The following DNMBP variants were observed in gnomAD, a reference collection of about 807,000 sequenced individuals.
DNMBP encodes dynamin-binding protein.
In DNMBP, 87 loss-of-function variants were observed where a neutral mutation model predicts 150.0. The ratio of observed to expected loss-of-function variants is 0.58; its 90% CI spans 0.49 to 0.69. The LOEUF (loss-of-function observed/expected upper bound fraction) is 0.69. Among genes scored for constraint, DNMBP ranks in the 30% least tolerant of loss-of-function variants. The pLI, the probability that DNMBP is intolerant of heterozygous loss-of-function variation, is 0.00. For synonymous variants in DNMBP, 711 were observed against 750.4 expected, an observed-to-expected ratio of 0.95 and a Z score of 0.86; for missense variants, 1,774 against 1,949.0, an observed-to-expected ratio of 0.91 and a Z score of 1.69.
At chr10:99,907,587 G>A (rs1178139314) in intron 6 of DNMBP, among the ~76,000 whole-genome samples, 1 of 151,798 alleles carries the variant, frequency 6.6e-6, no homozygotes, top group Non-Finnish European at 1.5e-5. Flanking sequence ...GTACAGACAG[G>A]GTTTCACCAT....
At chr10:99,973,110 T>C (rs1564751079) in intron 1 of DNMBP, among the ~76,000 whole-genome samples, 1 of 152,022 alleles carries the variant, frequency 6.6e-6, no homozygotes, top group East Asian at 1.9e-4. Flanking sequence ...TATTTATTTA[T>C]TTGTAGAGAT....
chr10:99,932,137 C>T (rs111944879), intron 4 of DNMBP, among the ~76,000 whole-genome samples: 253 of 152,318 alleles, frequency 1.7e-3, no homozygotes, highest in African/African-American at 5.1e-3. Flanking sequence ...TAAGATTACT[C>T]TTTTAGCTGT....
At position 99,955,252 on chromosome 10, in the gene DNMBP, T is replaced by C. The variant is rs137876820; in HGVS notation, c.2222A>G (p.Asn741Ser). The C allele has an allele frequency of 2.7e-4, 441 of 1,613,904 alleles. No individual in the cohort carries two copies. The highest frequency in any genetic ancestry group is 3.4e-4 in the Non-Finnish European group (405 of 1,179,954). Reference protein sequence around the residue: ...TLEDLKFCESNIESLNMELQQ... With the variant: ...TLEDLKFCESSIESLNMELQQ... ...GAGTTCCATATTCAAACTTTCAATGTTACTTTCACAGAACTTGAGATCCTC... is the reference window on the plus strand; with the variant it reads ...GAGTTCCATATTCAAACTTTCAATGCTACTTTCACAGAACTTGAGATCCTC... Residue 741 changes from asparagine (N) to serine (S), a missense_variant, in exon 4 of 17, where the codon AAC becomes AGC. Transcript: ENST00000324109.
intron 3 of DNMBP, among the ~76,000 whole-genome samples, chr10:99,959,715 G>A (rs1417084634): frequency 1.3e-5 from 2 of 151,768 alleles, no homozygotes; most frequent in Non-Finnish European, 2.9e-5. Context: ...AAATTAGCCG[G>A]TGTGGTGGTG....
chr10:99,883,050 AAAT>A (rs2133194931), intron 15 of DNMBP, among the ~76,000 whole-genome samples: 1 of 152,348 alleles, frequency 6.6e-6, no homozygotes, highest in South Asian at 2.1e-4. Context: ...CTGTCTTAAA[AAAT>A]AATAAAAATG....
chr10:99,979,172 T>C (rs1025941655), intron 1 of DNMBP, among the ~76,000 whole-genome samples: 3 of 152,204 alleles, frequency 2.0e-5, no homozygotes, highest in African/African-American at 7.2e-5. Context: ...AAGCTAATCA[T>C]TTGATGACCC....
At position 99,997,927 on chromosome 10, in the gene DNMBP, CAAAAAAAAAAA is replaced by C. The variant is rs71009798; in HGVS notation, c.-11+11900_-11+11910del. Among the ~76,000 whole-genome samples, 173 of 22,324 alleles carry C rather than the reference CAAAAAAAAAAA, an allele frequency of 7.7e-3. 4 individuals are homozygous for C. Among genetic ancestry groups the C allele is most frequent in the Non-Finnish European group, 0.011 (141 of 12,544 alleles). The allele number at this position is 22,324 out of a possible 152,430, so 14.6% of individuals were successfully genotyped here. On this transcript the variant is annotated intron_variant, in intron 1 of 16. Coordinates refer to ENST00000324109, the MANE Select transcript of DNMBP (RefSeq NM_015221.4). ...TGGGTGACAGAATGAGACTCTGTCT[CAAAAAAAAAAA>C]AAAAAAAAAAAAAAAGCTGGACGCG...
chr10:99,882,719 C>T (rs1372467234), intron 15 of DNMBP, among the ~76,000 whole-genome samples: 1 of 152,138 alleles, frequency 6.6e-6, no homozygotes, highest in Non-Finnish European at 1.5e-5. Flanking sequence ...TGTAGTCATC[C>T]ACCCATGATG....
chr10:100,001,233 TAAAAAAAAAAAAAAAAAAAA>T lies in DNMBP; in HGVS notation c.-11+8585_-11+8604del, dbSNP rs71009800. ...AGGACAGAGCAAGACTCCGTCTCAT[TAAAAAAAAAAAAAAAAAAAA>T]AAAAAAAAAAAAAAAAAAAGGATAG... On this transcript the variant is annotated intron_variant, in intron 1 of 16. Transcript: ENST00000324109. 1.6e-3 allele frequency among the ~76,000 whole-genome samples: 34 copies of T among 21,732 alleles called. 1 individual carries two copies. Among genetic ancestry groups the T allele is most frequent in the African/African-American group, 1.6e-3 (10 of 6,278 alleles). 14.3% of individuals were successfully genotyped at this position (21,732 alleles called of 152,430 possible). A position where few individuals can be genotyped will look rare whatever the true frequency, so the allele number is the denominator to read the frequency against.
chr10:99,879,670 G>C, intron 16 of DNMBP, 141 bp downstream of exon 16: 2 of 1,418,916 alleles, frequency 1.4e-6, no homozygotes, highest in Non-Finnish European at 1.9e-6. Context: ...GAGATTCCTT[G>C]TGTGCTTGAA....
At chr10:99,899,351 C>T (rs1291011688) in intron 7 of DNMBP, among the ~76,000 whole-genome samples, 2 of 152,090 alleles carry the variant, frequency 1.3e-5, no homozygotes, top group African/African-American at 4.8e-5. Context: ...CCTATAATCC[C>T]AGCACTTTGG....
intron 6 of DNMBP, among the ~76,000 whole-genome samples, chr10:99,903,144 T>C (rs1176123173): frequency 1.3e-5 from 2 of 150,174 alleles, no homozygotes; most frequent in African/African-American, 2.5e-5. Context: ...TCTCACTATG[T>C]TGCCCAGGCT....
intron 3 of DNMBP, among the ~76,000 whole-genome samples, chr10:99,961,267 C>T (rs1231829982): frequency 3.2e-3 from 267 of 84,728 alleles, no homozygotes; most frequent in Middle Eastern, 7.2e-3. Flanking sequence ...TTCCCTTTTT[C>T]TTTTTTTTTT....
rs1406348528 is a variant in DNMBP at position 99,957,179 on chromosome 10, G to A, written c.295C>T (p.Pro99Ser). The change falls in exon 4 of 17, where the codon CCC (proline) becomes TCC (serine). Residue 99 changes from proline (P) to serine (S), a missense_variant. Coordinates refer to ENST00000324109, the MANE Select transcript of DNMBP (RefSeq NM_015221.4). ...CGGCCCTGCAGCCAGCCTGCAGTGG[G>A]AATGCCATCGAGAATCACCAGGTCA... ...RGDLVILDGIPTAGWLQGRSC... is the reference protein window; with the variant it reads ...RGDLVILDGISTAGWLQGRSC... The A allele has an allele frequency of 1.9e-6, 3 of 1,605,062 alleles. No homozygotes were observed. The highest frequency in any genetic ancestry group is 1.3e-5 in the African/African-American group (1 of 75,042).
chr10:99,962,179 CTAACA>C (rs370057767), intron 3 of DNMBP, among the ~76,000 whole-genome samples: 2,524 of 152,276 alleles, frequency 0.017, 36 homozygotes, highest in African/African-American at 0.037. Context: ...TATACAGCAC[CTAACA>C]TAAGATTTTA....
rs770587503 is a variant in DNMBP at position 99,886,395 on chromosome 10, C to T, written c.3523G>A (p.Ala1175Thr). The part of the protein sequence containing the change: ...LDELPKFHQY[A>T]QGLFTNCVHG... ...ACACAGTTGGTGAAGAGGCCCTGGG[C>T]GTACTGGTGGAACTTGGGCAGCTCA... is the stretch of plus-strand genomic sequence containing the variant. Residue 1175 changes from alanine (A) to threonine (T), a missense_variant, in exon 13 of 17, where the codon GCC becomes ACC. Ala to Thr is a moderately conservative substitution (Grantham distance 58). Around this residue, in one of 2 missense-constraint regions of DNMBP, gnomAD observed 1,430 missense variants for 1,492.5 expected, o/e 0.96. Coordinates refer to ENST00000324109, the MANE Select transcript of DNMBP (RefSeq NM_015221.4). 8.7e-6 allele frequency: 14 copies of T among 1,614,016 alleles called. No homozygotes were observed. The highest frequency in any genetic ancestry group is 3.3e-5 in the Admixed American group (2 of 59,994).
chr10:99,915,128 T>TATATATACAC (rs1439020903), intron 4 of DNMBP, among the ~76,000 whole-genome samples: 2 of 126,124 alleles, frequency 1.6e-5, no homozygotes, highest in African/African-American at 6.4e-5. Context: ...TATATATATA[T>TATATATACAC]ACACACACAC....
rs772820983 is a variant in DNMBP, at chr10:99,956,185, T to C, written c.1289A>G (p.Tyr430Cys). ...CGGGTGGCTCCCTCCCACTGTAGAA[T>C]AATACTGGCTTTTCTGCAAGTTGGG... is the stretch of plus-strand genomic sequence containing the variant. ...FHPNLQKSQY[Y>C]STVGGSHPHS... The change falls in exon 4 of 17, where the codon TAT becomes TGT. Residue 430 changes from tyrosine (Y) to cysteine (C), a missense_variant. Tyr to Cys is a radical substitution (Grantham distance 194). Transcript: ENST00000324109. 6 of 1,613,988 alleles carry C rather than the reference T, an allele frequency of 3.7e-6. No homozygotes were observed. In the African/African-American group the frequency reaches 6.7e-5, roughly 18 times the overall value.
At chr10:99,971,942 A>T (rs371602219) in intron 2 of DNMBP, 38 bp downstream of exon 2, 4 of 1,592,292 alleles carry the variant, frequency 2.5e-6, no homozygotes, top group Non-Finnish European at 3.4e-6. Context: ...TATGGAAAGA[A>T]GTCAGGGCCT....
Sources: allele counts gnomAD v4.1 joint callset (sites outside exome capture counted in the v4.1 genomes callset), GRCh38; gene constraint gnomAD v4.1.1; regional missense constraint gnomAD v4.1.1; transcripts MANE v1.5; gene names NCBI Gene and HGNC (gene_info 2026-07-23, HGNC 2026-07-21).